The following ACAP2 variants were observed in gnomAD, a reference collection of about 807,000 sequenced individuals.
ACAP2 encodes ArfGAP with coiled-coil, ankyrin repeat and PH domains 2.
ACAP2 carries 39 observed loss-of-function variants against 115.8 expected under a neutral mutation model. That is an observed-to-expected ratio of 0.34 (90% CI 0.26 to 0.44). The LOEUF (loss-of-function observed/expected upper bound fraction) is 0.44. Among genes scored for constraint, ACAP2 ranks in the 20% least tolerant of loss-of-function variants. The pLI, the probability that ACAP2 is intolerant of heterozygous loss-of-function variation, is 1.00. For missense variants in ACAP2, 662 were observed against 927.6 expected, an observed-to-expected ratio of 0.71 and a Z score of 3.72; for synonymous variants, 289 against 315.8, an observed-to-expected ratio of 0.92 and a Z score of 0.90.
chr3:195,431,772 A>G (rs1451256873), intron 1 of ACAP2, among the ~76,000 whole-genome samples: 1 of 151,754 alleles, frequency 6.6e-6, no homozygotes, highest in Non-Finnish European at 1.5e-5. Context: ...TTATCTTAGG[A>G]ACTCCCAAAC....
intron 1 of ACAP2, among the ~76,000 whole-genome samples, chr3:195,431,765 T>A (rs1421446403): frequency 3.3e-5 from 5 of 151,890 alleles, no homozygotes; most frequent in Admixed American, 6.6e-5. Flanking sequence ...TAACTTCTTA[T>A]CTTAGGAACT....
At chr3:195,400,497 C>A (rs1712193656) in intron 1 of ACAP2, among the ~76,000 whole-genome samples, 1 of 148,908 alleles carries the variant, frequency 6.7e-6, no homozygotes, top group Non-Finnish European at 1.5e-5. Flanking sequence ...TGAAGTTATT[C>A]TTTTTCCCTT....
intron 4 of ACAP2, among the ~76,000 whole-genome samples, chr3:195,372,367 G>C (rs1733210077): frequency 6.6e-6 from 1 of 152,182 alleles, no homozygotes. Context: ...TGAAGCTTCT[G>C]CACATGAGTA....
intron 1 of ACAP2, among the ~76,000 whole-genome samples, chr3:195,414,290 A>G (rs545659555): frequency 3.3e-5 from 5 of 152,302 alleles, no homozygotes; most frequent in African/African-American, 9.6e-5. Flanking sequence ...TTTATTTTCT[A>G]AAGAGATGGG....
At chr3:195,356,693 A>T (rs1731994826) in intron 4 of ACAP2, among the ~76,000 whole-genome samples, 1 of 152,064 alleles carries the variant, frequency 6.6e-6, no homozygotes, top group African/African-American at 2.4e-5. Flanking sequence ...TCCCCATTCT[A>T]GGCTCTAACT....
intron 1 of ACAP2, among the ~76,000 whole-genome samples, chr3:195,417,247 C>G (rs1022021120): frequency 1.3e-5 from 2 of 151,802 alleles, no homozygotes; most frequent in African/African-American, 4.8e-5. Context: ...TCTTTATCTC[C>G]AACCTAGATC....
chr3:195,374,931 C>T (rs1733421215), intron 4 of ACAP2, among the ~76,000 whole-genome samples: 1 of 152,020 alleles, frequency 6.6e-6, no homozygotes, highest in Non-Finnish European at 1.5e-5. Flanking sequence ...CTGGCTCACT[C>T]GTGTAATCCC....
intron 21 of ACAP2, among the ~76,000 whole-genome samples, chr3:195,288,605 C>A (rs1429677868): frequency 6.6e-6 from 1 of 152,162 alleles, no homozygotes; most frequent in East Asian, 1.9e-4. Context: ...CACCTGTAAT[C>A]CCAGCACTTT....
intron 13 of ACAP2, among the ~76,000 whole-genome samples, chr3:195,305,068 T>G (rs945153839): frequency 6.6e-6 from 1 of 152,186 alleles, no homozygotes; most frequent in African/African-American, 2.4e-5. Context: ...CAATGATGGT[T>G]AAGATCCACA....
Position 195,381,005 on chromosome 3 carries a change from T to G in ACAP2, c.285+4A>C. The G allele has an allele frequency of 6.3e-7, 1 of 1,596,438 alleles. No individual in the cohort carries two copies. The stretch of plus-strand genomic sequence containing the variant: ...CATAGTAACACCTACTTACTGACAC[T>G]TACTGTGTGAAAATTTATCATTTCT... On this transcript the variant is annotated splice_donor_region_variant and intron_variant, in intron 4 of 22. Coordinates refer to ENST00000326793, the MANE Select transcript of ACAP2 (RefSeq NM_012287.6).
chr3:195,327,974 C>A (rs1008480412), intron 8 of ACAP2, among the ~76,000 whole-genome samples: 1 of 151,916 alleles, frequency 6.6e-6, no homozygotes, highest in Non-Finnish European at 1.5e-5. Flanking sequence ...ATATATAACC[C>A]ATTTTTTTCT....
chr3:195,333,649 G>C (rs1211364193), intron 7 of ACAP2, among the ~76,000 whole-genome samples: 3 of 152,130 alleles, frequency 2.0e-5, no homozygotes, highest in Non-Finnish European at 4.4e-5. Context: ...TAGTTGTTTA[G>C]ACTATATCTA....
intron 4 of ACAP2, among the ~76,000 whole-genome samples, chr3:195,363,940 G>A (rs1270157344): frequency 6.6e-6 from 1 of 152,192 alleles, no homozygotes; most frequent in Non-Finnish European, 1.5e-5. Flanking sequence ...CCTATCTCTT[G>A]CCATATATAA....
intron 6 of ACAP2, 35 bp downstream of exon 6, chr3:195,342,436 C>T: frequency 6.5e-7 from 1 of 1,547,560 alleles, no homozygotes; most frequent in African/African-American, 1.4e-5. Context: ...TAAGTAAGCA[C>T]TGTCTGAAAA....
intron 8 of ACAP2, among the ~76,000 whole-genome samples, chr3:195,332,687 C>T (rs980199120): frequency 6.6e-6 from 1 of 152,092 alleles, no homozygotes; most frequent in East Asian, 1.9e-4. Flanking sequence ...GGCGGTTTCC[C>T]CCATGCTGGT....
At chr3:195,316,095 T>C (rs144428174) in intron 10 of ACAP2, among the ~76,000 whole-genome samples, 15 of 152,254 alleles carry the variant, frequency 9.9e-5, no homozygotes, top group Admixed American at 9.8e-4. Flanking sequence ...TTTAAGTAGG[T>C]TGCTTTGAAA....
At chr3:195,353,358 C>T (rs1315804848) in intron 4 of ACAP2, among the ~76,000 whole-genome samples, 1 of 152,154 alleles carries the variant, frequency 6.6e-6, no homozygotes. Flanking sequence ...TGTTATACAG[C>T]AGTAGATAGC....
chr3:195,438,450 A>G (rs1036963892), intron 1 of ACAP2, among the ~76,000 whole-genome samples: 1 of 152,196 alleles, frequency 6.6e-6, no homozygotes, highest in Non-Finnish European at 1.5e-5. Context: ...GCAGTTGCTA[A>G]AAGTTTATTA....
chr3:195,328,652 A>G (rs950548029), intron 8 of ACAP2, among the ~76,000 whole-genome samples: 1 of 152,370 alleles, frequency 6.6e-6, no homozygotes, highest in South Asian at 2.1e-4. Flanking sequence ...TGGCATATGA[A>G]TATTACTCAT....
Sources: gnomAD v4.1 joint callset for allele counts (sites outside exome capture counted in the v4.1 genomes callset) on GRCh38, gnomAD v4.1.1 for gene constraint, MANE v1.5 for transcripts, NCBI Gene and HGNC (gene_info 2026-07-23, HGNC 2026-07-21) for gene names.